The following SHF variants were observed in gnomAD, a reference collection of about 807,000 sequenced individuals.
SHF encodes Src homology 2 domain containing F.
Under a neutral mutation model 42.4 loss-of-function variants are expected in SHF, and 30 were observed. The ratio of observed to expected loss-of-function variants is 0.71; its 90% confidence interval spans 0.53 to 0.96. The LOEUF (loss-of-function observed/expected upper bound fraction) is 0.96, where lower values mean the gene tolerates loss of function less well. Ranked by LOEUF, SHF falls within the 40% of genes least tolerant of loss-of-function variation. SHF has a pLI of 0.00. For synonymous variants in SHF, 264 were observed against 269.9 expected, an observed-to-expected ratio of 0.98 and a Z score of 0.21; for missense variants, 598 against 634.0, an observed-to-expected ratio of 0.94 and a Z score of 0.61.
chr15:45,167,839 G>A lies in SHF; in HGVS notation c.*108C>T. 9.1e-7 allele frequency: 1 copy of A among 1,102,356 alleles called. No homozygotes were observed. The highest frequency in any genetic ancestry group is 1.2e-6 in the Non-Finnish European group (1 of 816,536). The allele number at this position is 1,102,356 out of a possible 1,614,324, so 68.3% of individuals were successfully genotyped here. ...AATCTCCAGCTTCTACTGGATCCCA[G>A]GAGAAGAAAGGTTTGAAAGATCACG... On this transcript the variant is annotated 3_prime_UTR_variant, in exon 7 of 7. Coordinates refer to ENST00000690270, the MANE Select transcript of SHF (RefSeq NM_001394037.1).
At chr15:45,195,428 C>T (rs1464148376) in intron 2 of SHF, among the ~76,000 whole-genome samples, 3 of 152,164 alleles carry the variant, frequency 2.0e-5, no homozygotes, top group African/African-American at 7.2e-5. Flanking sequence ...ATTATTTTGT[C>T]TCATTTTTTT....
At chr15:45,184,428 G>T (rs920932306) in intron 1 of SHF, among the ~76,000 whole-genome samples, 3 of 152,094 alleles carry the variant, frequency 2.0e-5, no homozygotes, top group Non-Finnish European at 4.4e-5. Flanking sequence ...CCTTTCCCCA[G>T]AAAAATAGGA....
exon 2 of SHF, chr15:45,198,772 G>T: frequency 6.2e-7 from 1 of 1,607,068 alleles, no homozygotes; most frequent in Non-Finnish European, 8.5e-7. Context: ...GCCTACTTAC[G>T]GGGCGAGGTT....
intron 2 of SHF, among the ~76,000 whole-genome samples, chr15:45,193,450 AATACACAAT>A (rs1367408396): frequency 6.6e-6 from 1 of 152,214 alleles, no homozygotes; most frequent in Admixed American, 6.5e-5. Context: ...CCTTTCACTG[AATACACAAT>A]ATACATGTGA....
upstream of SHF, among the ~76,000 whole-genome samples, chr15:45,191,160 G>C (rs1898698500): frequency 6.6e-6 from 1 of 152,146 alleles, no homozygotes; most frequent in Non-Finnish European, 1.5e-5. Flanking sequence ...GAACTTCTGG[G>C]CTCAAACGAT....
At chr15:45,198,868 G>A in exon 2 of SHF, 3 of 1,614,036 alleles carry the variant, frequency 1.9e-6, no homozygotes, top group East Asian at 4.5e-5. Flanking sequence ...CATTAGCCAC[G>A]GGCTGTGGTG....
At chr15:45,169,181 C>T (rs1392942026) in intron 6 of SHF, among the ~76,000 whole-genome samples, 2 of 152,194 alleles carry the variant, frequency 1.3e-5, no homozygotes, top group Non-Finnish European at 2.9e-5. Flanking sequence ...GAGGTCCACC[C>T]CCCGGAGAAG....
At position 45,171,536 on chromosome 15, in the gene SHF, C is replaced by A. The variant is rs1350109709; in HGVS notation, c.1280+347G>T. The A allele has an allele frequency of 1.9e-4, 58 of 297,994 alleles. No individual in the cohort carries two copies. The Admixed American group carries it at 2.6e-3, about 13-fold the overall frequency. The allele number at this position is 297,994 out of a possible 1,614,324, so 18.5% of individuals were successfully genotyped here. On this transcript the variant is annotated intron_variant, in intron 6 of 6. Transcript: ENST00000690270. ...CAGTGATAATTTATTGAGCCCTTAG[C>A]ACTATGCTAAGCACTTCCCATGCAT...
At chr15:45,189,062 G>T (rs952518553), upstream of SHF, among the ~76,000 whole-genome samples, 1 of 151,852 alleles carries the variant, frequency 6.6e-6, no homozygotes, top group South Asian at 2.1e-4. Context: ...GTGTGGTGGC[G>T]GGCACCTGTA....
chr15:45,169,381 C>T (rs1897360728), intron 6 of SHF, among the ~76,000 whole-genome samples: 1 of 152,178 alleles, frequency 6.6e-6, no homozygotes, highest in African/African-American at 2.4e-5. Context: ...AGGAGCCTAG[C>T]AGACTGCTAG....
intron 1 of SHF, among the ~76,000 whole-genome samples, chr15:45,180,522 G>C (rs1236119287): frequency 6.6e-6 from 1 of 152,226 alleles, no homozygotes; most frequent in Admixed American, 6.5e-5. Context: ...AAAGTCTGCA[G>C]TTGAAGAGAT....
chr15:45,172,564 G>C (rs1897563738), intron 4 of SHF, among the ~76,000 whole-genome samples: 2 of 152,166 alleles, frequency 1.3e-5, no homozygotes, highest in Non-Finnish European at 2.9e-5. Flanking sequence ...CATTGTGGGA[G>C]GAGAGAGCAG....
chr15:45,185,913 A>G (rs1364048035), intron 1 of SHF, among the ~76,000 whole-genome samples: 2 of 152,268 alleles, frequency 1.3e-5, no homozygotes, highest in African/African-American at 4.8e-5. Context: ...GGGAGACACA[A>G]GAAGACATGG....
At chr15:45,199,104 T>A (rs762404401) in exon 2 of SHF, 1 of 1,523,890 alleles carries the variant, frequency 6.6e-7, no homozygotes, top group Non-Finnish European at 8.8e-7. Context: ...GCCGCCTCTG[T>A]GGAGATTGTG....
At chr15:45,182,631 TCTC>T (rs1426371909) in intron 1 of SHF, among the ~76,000 whole-genome samples, 1 of 152,208 alleles carries the variant, frequency 6.6e-6, no homozygotes, top group Non-Finnish European at 1.5e-5. Context: ...CAGCATCTTC[TCTC>T]CTCTATTTGT....
At chr15:45,174,730 C>CT (rs536410768) in intron 3 of SHF, among the ~76,000 whole-genome samples, 9 of 152,248 alleles carry the variant, frequency 5.9e-5, no homozygotes, top group Non-Finnish European at 1.2e-4. Flanking sequence ...TTTCTCACAG[C>CT]CTCACTCTGC....
At chr15:45,200,050 G>A (rs1315841795) in intron 1 of SHF, 1 of 150,058 alleles carries the variant, frequency 6.7e-6, no homozygotes, top group African/African-American at 2.5e-5. Context: ...CATCCTGGCT[G>A]CCTGACAAAT....
At chr15:45,186,630 G>T (rs1307332835) in intron 1 of SHF, among the ~76,000 whole-genome samples, 4 of 152,360 alleles carry the variant, frequency 2.6e-5, no homozygotes, top group South Asian at 2.1e-4. Flanking sequence ...CTATCCTGGT[G>T]CCTGCAGACC....
intron 1 of SHF, among the ~76,000 whole-genome samples, chr15:45,185,402 C>T (rs1483066231): frequency 2.0e-5 from 3 of 152,206 alleles, no homozygotes; most frequent in African/African-American, 7.2e-5. Flanking sequence ...TTGAGCTTTT[C>T]CTAGGGGAAG....
Sources: gnomAD v4.1 joint callset for allele counts (sites outside exome capture counted in the v4.1 genomes callset) on GRCh38, gnomAD v4.1.1 for gene constraint, MANE v1.5 for transcripts, NCBI Gene and HGNC (gene_info 2026-07-23, HGNC 2026-07-21) for gene names.